Variants in SHISA6 observed in about 807,000 individuals in gnomAD.
SHISA6 encodes protein shisa-6.
In SHISA6, 22 loss-of-function variants were observed where a neutral mutation model predicts 47.9. That is an observed-to-expected ratio of 0.46 (90% CI 0.33 to 0.66). SHISA6 has a LOEUF of 0.66. SHISA6 is among the 30% of genes least tolerant of loss of function. The probability of loss-of-function intolerance (pLI) is 0.02; values close to 1 mark genes in which losing one functional copy is unlikely to be tolerated. For missense variants in SHISA6, 680 were observed against 764.6 expected (o/e 0.89, Z 1.30); for synonymous variants, 388 against 337.8 (o/e 1.15, Z -1.63).
intron 3 of SHISA6, among the ~76,000 whole-genome samples, chr17:11,403,967 C>T (rs1055451955): frequency 6.6e-6 from 1 of 152,164 alleles, no homozygotes; most frequent in Non-Finnish European, 1.5e-5. Flanking sequence ...GCCCAGGGCC[C>T]TGAGGCCACA....
At chr17:11,393,482 C>G (rs1913459417) in intron 3 of SHISA6, among the ~76,000 whole-genome samples, 1 of 152,194 alleles carries the variant, frequency 6.6e-6, no homozygotes, top group African/African-American at 2.4e-5. Flanking sequence ...CCAGACTGAT[C>G]TAACTCATTC....
chr17:11,339,587 GAAGT>G (rs1420658720), intron 2 of SHISA6, among the ~76,000 whole-genome samples: 1 of 152,206 alleles, frequency 6.6e-6, no homozygotes, highest in Non-Finnish European at 1.5e-5. Context: ...CTGCTCACCT[GAAGT>G]AAGACATAAA....
intron 3 of SHISA6, among the ~76,000 whole-genome samples, chr17:11,475,970 C>T (rs1486519478): frequency 1.3e-5 from 2 of 152,010 alleles, no homozygotes; most frequent in Non-Finnish European, 2.9e-5. Context: ...TTAATATATA[C>T]AGGCCCATAC....
At chr17:11,283,672 T>C (rs937397962) in intron 2 of SHISA6, among the ~76,000 whole-genome samples, 2 of 152,224 alleles carry the variant, frequency 1.3e-5, no homozygotes, top group African/African-American at 4.8e-5. Flanking sequence ...TTCTAATGCA[T>C]AGATGTCATG....
intron 2 of SHISA6, among the ~76,000 whole-genome samples, chr17:11,272,469 A>G (rs367774032): frequency 3.3e-5 from 5 of 152,110 alleles, no homozygotes; most frequent in African/African-American, 1.2e-4. Flanking sequence ...TGTTGGCCCC[A>G]GTTTGGAACC....
Position 11,480,230 on chromosome 17 carries a change from A to T in SHISA6, c.896-71666A>T, listed in dbSNP as rs118007592. Among the ~76,000 whole-genome samples, 905 of 152,144 alleles carry T rather than the reference A, an allele frequency of 5.9e-3. 9 individuals carry two copies. Among genetic ancestry groups the T allele is most frequent in the Non-Finnish European group, 0.011 (715 of 67,992 alleles). ...TCAAAATTTTTTCTTTATCTTTGAC[A>T]TTCTATTGTTTGATAATGATGTGCC... On this transcript the variant is annotated intron_variant, in intron 3 of 5. Transcript: ENST00000441885.
chr17:11,543,672 ATAAAG>A (rs1019009075), intron 3 of SHISA6, among the ~76,000 whole-genome samples: 59 of 152,118 alleles, frequency 3.9e-4, no homozygotes, highest in African/African-American at 1.3e-3. Context: ...AAAAAGAAAA[ATAAAG>A]TAGGAGGATA....
intron 3 of SHISA6, among the ~76,000 whole-genome samples, chr17:11,412,162 C>A (rs938477858): frequency 6.6e-6 from 1 of 152,022 alleles, no homozygotes; most frequent in African/African-American, 2.4e-5. Flanking sequence ...GGCTTTGAGT[C>A]CTTGGAAAAA....
chr17:11,561,311 C>G lies in SHISA6; in HGVS notation c.*3007C>G. ...TTTTTGCACATCTCTGTTGCTCTAA[C>G]AGAAATGAACTGGAATCTGCACAGG... On this transcript the variant is annotated 3_prime_UTR_variant, in exon 6 of 6. Coordinates refer to ENST00000441885, the MANE Select transcript of SHISA6 (RefSeq NM_207386.4). 6.6e-6 allele frequency: 1 copy of G among 152,342 alleles called. No homozygotes were observed. The highest frequency in any genetic ancestry group is 1.9e-4 in the East Asian group (1 of 5,186). 9.4% of individuals were successfully genotyped at this position (152,342 alleles called of 1,614,324 possible).
chr17:11,243,112 AC>A, intron 1 of SHISA6, among the ~76,000 whole-genome samples: 1 of 151,340 alleles, frequency 6.6e-6, no homozygotes, highest in Non-Finnish European at 1.5e-5. Flanking sequence ...CACCCCCCAG[AC>A]CACTGCTTGT....
chr17:11,355,239 T>G (rs1317900782), intron 2 of SHISA6, among the ~76,000 whole-genome samples: 1 of 152,194 alleles, frequency 6.6e-6, no homozygotes, highest in Non-Finnish European at 1.5e-5. Flanking sequence ...GAGCAGGGCT[T>G]AAGTTTGTTA....
intron 3 of SHISA6, among the ~76,000 whole-genome samples, chr17:11,398,959 T>G (rs1236252045): frequency 1.8e-5 from 1 of 54,180 alleles, no homozygotes; most frequent in Non-Finnish European, 4.4e-5. Flanking sequence ...CCTAGGTTAT[T>G]TTTTTTTTTT....
chr17:11,520,794 C>A (rs2071623333), intron 3 of SHISA6, among the ~76,000 whole-genome samples: 1 of 152,200 alleles, frequency 6.6e-6, no homozygotes, highest in East Asian at 1.9e-4. Flanking sequence ...CTCGATCACC[C>A]TAATAGACAC....
intron 2 of SHISA6, among the ~76,000 whole-genome samples, chr17:11,375,973 G>A (rs138592187): frequency 1.7e-3 from 255 of 152,306 alleles, no homozygotes; most frequent in African/African-American, 5.8e-3. Context: ...GCTGTGGACT[G>A]TGTGTCTGTC....
At chr17:11,551,061 T>C (rs897947417) in intron 3 of SHISA6, among the ~76,000 whole-genome samples, 1 of 152,236 alleles carries the variant, frequency 6.6e-6, no homozygotes, top group African/African-American at 2.4e-5. Flanking sequence ...AAAGGCCTCA[T>C]GCCTCCTCTT....
intron 3 of SHISA6, among the ~76,000 whole-genome samples, chr17:11,479,387 A>T (rs565052225): frequency 2.6e-4 from 39 of 152,254 alleles, no homozygotes; most frequent in African/African-American, 8.9e-4. Context: ...ACATGTTCTC[A>T]CTCATAAGTG....
chr17:11,489,285 T>C (rs898861911), intron 3 of SHISA6, among the ~76,000 whole-genome samples: 1 of 152,100 alleles, frequency 6.6e-6, no homozygotes, highest in African/African-American at 2.4e-5. Context: ...GTTCTCCTTT[T>C]GCCATCCTGA....
chr17:11,244,059 C>T (rs1332899012), intron 1 of SHISA6, among the ~76,000 whole-genome samples: 1 of 152,186 alleles, frequency 6.6e-6, no homozygotes, highest in Non-Finnish European at 1.5e-5. Context: ...TTCTCCCCTT[C>T]CCACCACCCT....
intron 2 of SHISA6, among the ~76,000 whole-genome samples, chr17:11,345,273 T>G (rs926148786): frequency 3.3e-5 from 5 of 151,518 alleles, no homozygotes; most frequent in African/African-American, 1.2e-4. Flanking sequence ...AGATATCTCC[T>G]CAACATAACA....
Sources: gnomAD v4.1 joint callset for allele counts (sites outside exome capture counted in the v4.1 genomes callset) on GRCh38, gnomAD v4.1.1 for gene constraint, MANE v1.5 for transcripts, NCBI Gene and HGNC (gene_info 2026-07-23, HGNC 2026-07-21) for gene names.